The following MICAL3 variants were observed in gnomAD, a reference collection of about 807,000 sequenced individuals.
MICAL3 encodes the protein [F-actin]-monooxygenase MICAL3.
A neutral mutation model predicts 207.4 loss-of-function variants in MICAL3; 62 were observed. That is an observed-to-expected ratio of 0.30 (90% CI 0.24 to 0.37). MICAL3 has a LOEUF of 0.37. Ranked by LOEUF, MICAL3 falls within the 10% of genes least tolerant of loss-of-function variation. The probability of loss-of-function intolerance (pLI) is 1.00; values close to 1 mark genes in which losing one functional copy is unlikely to be tolerated. For missense variants in MICAL3, 2,368 were observed against 2,635.6 expected (o/e 0.90, Z 2.22); for synonymous variants, 1,077 against 1,069.3 (o/e 1.01, Z -0.14).
chr22:17,815,007 C>T (rs1384584111), intron 27 of MICAL3: 1 of 152,316 alleles, frequency 6.6e-6, no homozygotes, highest in East Asian at 1.9e-4. Flanking sequence ...TCTCCTCGAT[C>T]CTCAGCCGTC....
At chr22:17,873,091 G>A (rs1422336185) in intron 16 of MICAL3, among the ~76,000 whole-genome samples, 2 of 152,256 alleles carry the variant, frequency 1.3e-5, no homozygotes, top group African/African-American at 4.8e-5. Flanking sequence ...TGCAGGGGAA[G>A]TGTCTTCCTT....
chr22:17,982,026 G>A (rs985706797), intron 1 of MICAL3, among the ~76,000 whole-genome samples: 1 of 152,014 alleles, frequency 6.6e-6, no homozygotes, highest in Non-Finnish European at 1.5e-5. Flanking sequence ...AATCGCCTGA[G>A]CCTGGGAAGT....
intron 1 of MICAL3, among the ~76,000 whole-genome samples, chr22:17,950,482 G>A (rs1442230951): frequency 6.6e-6 from 1 of 151,724 alleles, no homozygotes; most frequent in African/African-American, 2.4e-5. Context: ...TGGGACTACA[G>A]GTGCCCACCA....
At chr22:17,880,837 A>C (rs1468466681) in intron 16 of MICAL3, among the ~76,000 whole-genome samples, 1 of 152,146 alleles carries the variant, frequency 6.6e-6, no homozygotes, top group African/African-American at 2.4e-5. Flanking sequence ...CGAAGGCCTT[A>C]CTCCACCTCA....
chr22:17,943,067 G>A (rs941267626), intron 1 of MICAL3, among the ~76,000 whole-genome samples: 5 of 152,204 alleles, frequency 3.3e-5, no homozygotes, highest in African/African-American at 7.2e-5. Context: ...CAAAGGAACC[G>A]AGTGACATTC....
intron 17 of MICAL3, among the ~76,000 whole-genome samples, chr22:17,870,186 G>A (rs1222368726): frequency 6.6e-6 from 1 of 152,078 alleles, no homozygotes; most frequent in Non-Finnish European, 1.5e-5. Flanking sequence ...CAACCAGGCT[G>A]GCCTCATCCT....
At chr22:17,856,782 C>G (rs1925958597) in intron 19 of MICAL3, among the ~76,000 whole-genome samples, 1 of 151,968 alleles carries the variant, frequency 6.6e-6, no homozygotes, top group Non-Finnish European at 1.5e-5. Flanking sequence ...CCACCGCGCC[C>G]AGCTAATTTT....
At position 17,860,714 on chromosome 22, in the gene MICAL3, C is replaced by T. The variant is rs981926170; in HGVS notation, c.2605+4185G>A. 10 of 985,298 alleles carry T rather than the reference C, an allele frequency of 1.0e-5. No homozygotes were observed. In the East Asian group the frequency reaches 4.5e-4, roughly 45 times the overall value. The allele number at this position is 985,298 out of a possible 1,614,324, so 61.0% of individuals were successfully genotyped here. ...GTGTCCTGGCAGCAGCAGCCCCCTG[C>T]GTTCCTAGTCTGCTCTTGGGGCCCT... On this transcript the variant is annotated intron_variant, in intron 19 of 31. Coordinates refer to ENST00000441493, the MANE Select transcript of MICAL3 (RefSeq NM_015241.3).
chr22:17,896,999 G>A lies in MICAL3; in HGVS notation c.949-18C>T, dbSNP rs1930901183. 1.3e-6 allele frequency: 2 copies of A among 1,597,768 alleles called. No homozygotes were observed. Among genetic ancestry groups the A allele is most frequent in the East Asian group, 4.5e-5 (2 of 44,738 alleles). On this transcript the variant is annotated intron_variant, in intron 7 of 31. Coordinates refer to ENST00000441493, the MANE Select transcript of MICAL3 (RefSeq NM_015241.3). ...GCGTAGTCCTGTCTCCAGAGAAAGA[G>A]GAGGGTAGGGATGGAGAAGCTCTGG...
intron 16 of MICAL3, among the ~76,000 whole-genome samples, chr22:17,881,461 G>A (rs1274406811): frequency 6.6e-6 from 1 of 152,162 alleles, no homozygotes; most frequent in Non-Finnish European, 1.5e-5. Context: ...GTCTCCCGTG[G>A]GCCCCCAGGT....
rs1412154867 is a variant in MICAL3 at position 17,906,577 on chromosome 22, T to C, written c.236A>G (p.Lys79Arg). The stretch of plus-strand genomic sequence containing the variant: ...GGTGTTAGTGCACGCTTTTCCCTTT[T>C]TGTAGTCTTTGTGACTGCCCCGTTT... The part of the protein sequence containing the change: ...LDKRGSHKDY[K>R]KGKACTNTKC... The change falls in exon 2 of 32, where the codon AAA (lysine) becomes AGA (arginine). Residue 79 changes from lysine to arginine, a missense_variant. Lys to Arg is a conservative substitution (Grantham distance 26). Transcript: ENST00000441493. 1.2e-6 allele frequency: 2 copies of C among 1,612,380 alleles called. No homozygotes were observed. Among genetic ancestry groups the C allele is most frequent in the Admixed American group, 1.7e-5 (1 of 59,936 alleles).
intron 1 of MICAL3, among the ~76,000 whole-genome samples, chr22:17,958,704 T>A (rs1569147192): frequency 1.5e-5 from 2 of 134,050 alleles, no homozygotes; most frequent in African/African-American, 7.0e-5. Context: ...TGGGTTTTTT[T>A]ATTTTTTTTT....
At chr22:17,982,373 C>T (rs540394619) in intron 1 of MICAL3, among the ~76,000 whole-genome samples, 9 of 152,204 alleles carry the variant, frequency 5.9e-5, no homozygotes, top group Non-Finnish European at 1.3e-4. Context: ...TCAGCATACG[C>T]TGAAATATAA....
In MICAL3 at chr22:17,901,866, A is replaced by C; in HGVS notation, c.691+12T>G. On this transcript the variant is annotated intron_variant, in intron 5 of 31. Coordinates refer to ENST00000441493, the MANE Select transcript of MICAL3 (RefSeq NM_015241.3). ...TCTGCTATGAGCCAGGCAGAGGAGC[A>C]CAGACCAATACCTTCCAAGGTGTTC... 1 of 1,604,960 alleles carries C rather than the reference A, an allele frequency of 6.2e-7. No individual in the cohort carries two copies. Among genetic ancestry groups the C allele is most frequent in the Non-Finnish European group, 8.5e-7 (1 of 1,172,116 alleles).
intron 1 of MICAL3, among the ~76,000 whole-genome samples, chr22:17,999,594 A>G (rs1320987117): frequency 1.3e-5 from 2 of 152,084 alleles, no homozygotes; most frequent in African/African-American, 4.8e-5. Context: ...TCCAAAGCCC[A>G]TTTTCTCTTC....
chr22:17,823,303 C>T (rs770490536), intron 22 of MICAL3, among the ~76,000 whole-genome samples: 1 of 152,198 alleles, frequency 6.6e-6, no homozygotes, highest in Non-Finnish European at 1.5e-5. Flanking sequence ...AAGAGAAGAG[C>T]GGCTGAAGGT....
At chr22:17,879,435 T>C (rs747885524) in intron 16 of MICAL3, 46 of 1,586,258 alleles carry the variant, frequency 2.9e-5, no homozygotes, top group Non-Finnish European at 3.6e-5. Flanking sequence ...TTAAGCTCCA[T>C]GCATATCGCT....
intron 29 of MICAL3, among the ~76,000 whole-genome samples, chr22:17,803,165 G>C (rs1407666347): frequency 6.6e-6 from 1 of 152,114 alleles, no homozygotes; most frequent in Non-Finnish European, 1.5e-5. Flanking sequence ...TGCTGGTCCA[G>C]GGACCACACT....
chr22:17,825,608 G>A (rs372997744), intron 22 of MICAL3, among the ~76,000 whole-genome samples: 1 of 152,210 alleles, frequency 6.6e-6, no homozygotes, highest in South Asian at 2.1e-4. Flanking sequence ...ACAGGCTGCT[G>A]AAGCCCCACG....
Sources: gnomAD v4.1 joint callset for allele counts (sites outside exome capture counted in the v4.1 genomes callset) on GRCh38, gnomAD v4.1.1 for gene constraint, MANE v1.5 for transcripts, NCBI Gene and HGNC (gene_info 2026-07-23, HGNC 2026-07-21) for gene names.